The following DHRSX variants were observed in gnomAD, a reference collection of about 807,000 sequenced individuals.
DHRSX encodes the protein dehydrogenase/reductase X-linked.
A neutral mutation model predicts 34.0 loss-of-function variants in DHRSX; 31 were observed. The observed-to-expected ratio is 0.91, with a 90% confidence interval of 0.69 to 1.23. DHRSX has a LOEUF of 1.23. DHRSX is among the 50% of genes most tolerant of loss of function. The pLI, the probability that DHRSX is intolerant of heterozygous loss-of-function variation, is 0.00. For synonymous variants in DHRSX, 201 were observed against 183.8 expected, an observed-to-expected ratio of 1.09 and a Z score of -0.76; for missense variants, 414 against 428.1, an observed-to-expected ratio of 0.97 and a Z score of 0.29.
chrX:2,288,294 G>C (rs1212307013), intron 4 of DHRSX, among the ~76,000 whole-genome samples: 11 of 152,176 alleles, frequency 7.2e-5, no homozygotes, highest in Non-Finnish European at 1.5e-4. Flanking sequence ...GGAGTGCAGT[G>C]GTGTGATCTC....
intron 1 of DHRSX, among the ~76,000 whole-genome samples, chrX:2,458,288 T>C (rs28601702): frequency 0.23 from 34,759 of 151,794 alleles, 4,442 homozygotes; most frequent in African/African-American, 0.32. Context: ...CTGCAAAACA[T>C]CAGAGCAAAG....
At chrX:2,440,106 AG>A (rs1188679965) in intron 1 of DHRSX, among the ~76,000 whole-genome samples, 9 of 152,214 alleles carry the variant, frequency 5.9e-5, no homozygotes, top group African/African-American at 1.9e-4. Context: ...GAATGCAGAA[AG>A]GAAAACAAGG....
chrX:2,350,944 G>T (rs2042781699), intron 3 of DHRSX, among the ~76,000 whole-genome samples: 1 of 152,114 alleles, frequency 6.6e-6, no homozygotes, highest in African/African-American at 2.4e-5. Context: ...CATGGATGAA[G>T]CTGGAAACTG....
chrX:2,292,020 G>A (rs1440097180), intron 3 of DHRSX, among the ~76,000 whole-genome samples: 3 of 151,478 alleles, frequency 2.0e-5, no homozygotes, highest in South Asian at 2.1e-4. Flanking sequence ...GATTACAGGC[G>A]TGAGCCACCA....
chrX:2,352,239 A>G (rs975765995), intron 3 of DHRSX, among the ~76,000 whole-genome samples: 4 of 152,128 alleles, frequency 2.6e-5, no homozygotes, highest in East Asian at 1.9e-4. Context: ...GTATCCCAAG[A>G]TGTTCAGTAT....
chrX:2,228,746 C>T (rs973433271), intron 6 of DHRSX, among the ~76,000 whole-genome samples: 3 of 152,032 alleles, frequency 2.0e-5, no homozygotes, highest in Non-Finnish European at 4.4e-5. Context: ...TTTGTTAGAG[C>T]TCCTGTTCTC....
At chrX:2,485,611 A>G (rs1361345066) in intron 1 of DHRSX, among the ~76,000 whole-genome samples, 3 of 106,152 alleles carry the variant, frequency 2.8e-5, no homozygotes, top group Admixed American at 9.8e-5. Context: ...AGGGAGGGAC[A>G]GAGGGAAGGA....
At chrX:2,364,587 C>T (rs1423027353) in intron 3 of DHRSX, among the ~76,000 whole-genome samples, 8 of 152,234 alleles carry the variant, frequency 5.3e-5, no homozygotes, top group East Asian at 1.9e-4. Flanking sequence ...ACTTATCTAC[C>T]GTCTATCATT....
intron 2 of DHRSX, among the ~76,000 whole-genome samples, chrX:2,418,284 C>T (rs2043721288): frequency 6.6e-6 from 1 of 152,164 alleles, no homozygotes. Context: ...ACTACTTCAT[C>T]ATGACATAAC....
chrX:2,410,946 A>G (rs2043619301), intron 2 of DHRSX, among the ~76,000 whole-genome samples: 1 of 152,230 alleles, frequency 6.6e-6, no homozygotes, highest in Non-Finnish European at 1.5e-5. Context: ...GAAACAGAAC[A>G]TGATACCATT....
At chrX:2,292,426 G>T (rs1401066044) in intron 3 of DHRSX, among the ~76,000 whole-genome samples, 2 of 152,160 alleles carry the variant, frequency 1.3e-5, no homozygotes, top group Non-Finnish European at 1.5e-5. Context: ...AGTTACACCT[G>T]CCCAGATTCC....
At chrX:2,378,967 C>T (rs546281544) in intron 3 of DHRSX, among the ~76,000 whole-genome samples, 24 of 152,230 alleles carry the variant, frequency 1.6e-4, no homozygotes, top group East Asian at 1.4e-3. Context: ...CCACCGCGCC[C>T]GGCCTTTGGC....
intron 1 of DHRSX, among the ~76,000 whole-genome samples, chrX:2,467,772 T>TGA (rs918832166): frequency 3.0e-4 from 45 of 152,086 alleles, no homozygotes; most frequent in Non-Finnish European, 5.9e-4. Context: ...GTCAGGGGTT[T>TGA]GAGACCAGCC....
intron 1 of DHRSX, among the ~76,000 whole-genome samples, chrX:2,491,330 A>C (rs999836102): frequency 5.3e-5 from 8 of 152,212 alleles, no homozygotes; most frequent in African/African-American, 1.4e-4. Flanking sequence ...TTGGCCTCCC[A>C]AAGTGCTGGG....
chrX:2,369,657 T>G (rs1418938727), intron 3 of DHRSX, among the ~76,000 whole-genome samples: 2 of 151,900 alleles, frequency 1.3e-5, no homozygotes, highest in Non-Finnish European at 2.9e-5. Flanking sequence ...CCACCAAAAT[T>G]AGCCGGGGCT....
intron 2 of DHRSX, among the ~76,000 whole-genome samples, chrX:2,422,462 C>T (rs1476244291): frequency 6.6e-6 from 1 of 152,024 alleles, no homozygotes; most frequent in African/African-American, 2.4e-5. Flanking sequence ...GGGGTTTCAC[C>T]ATGTTAGCCA....
intron 3 of DHRSX, among the ~76,000 whole-genome samples, chrX:2,400,193 A>G (rs1163716863): frequency 6.6e-6 from 1 of 152,174 alleles, no homozygotes; most frequent in Non-Finnish European, 1.5e-5. Flanking sequence ...CACAGACATG[A>G]TCTCTCAAGG....
At chrX:2,419,130 T>A (rs2043737297) in intron 2 of DHRSX, among the ~76,000 whole-genome samples, 1 of 152,182 alleles carries the variant, frequency 6.6e-6, no homozygotes, top group Admixed American at 6.5e-5. Context: ...AAAGTTCCTA[T>A]GTTGAAATTC....
At chrX:2,309,975 G>A (rs1478204730) in intron 3 of DHRSX, among the ~76,000 whole-genome samples, 1 of 152,096 alleles carries the variant, frequency 6.6e-6, no homozygotes, top group Non-Finnish European at 1.5e-5. Flanking sequence ...CGCTTGTGGA[G>A]AAGGCGTTCA....
Sources: gnomAD v4.1 joint callset for allele counts (sites outside exome capture counted in the v4.1 genomes callset) on GRCh38, gnomAD v4.1.1 for gene constraint, MANE v1.5 for transcripts, NCBI Gene and HGNC (gene_info 2026-07-23, HGNC 2026-07-21) for gene names.